SLC9A7: variants seen among roughly 807,000 people sequenced by gnomAD.
SLC9A7 encodes solute carrier family 9 member A7.
Under a neutral mutation model 52.6 loss-of-function variants are expected in SLC9A7, and 19 were observed. The observed-to-expected ratio is 0.36, with a 90% CI of 0.25 to 0.53. The LOEUF is 0.53. Among genes scored for constraint, SLC9A7 ranks in the 20% least tolerant of loss-of-function variants. The pLI, the probability that SLC9A7 is intolerant of heterozygous loss-of-function variation, is 0.91. For missense variants in SLC9A7, 455 were observed against 597.9 expected (o/e 0.76, Z 2.49); for synonymous variants, 226 against 252.1 (o/e 0.90, Z 0.98).
chrX:46,645,768 A>G (rs1480302976), intron 11 of SLC9A7, among the ~76,000 whole-genome samples: 1 of 110,916 alleles, frequency 9.0e-6, no homozygotes, highest in Non-Finnish European at 1.9e-5. Context: ...TGAAAGACAC[A>G]CTTGGACGTG....
Position 46,676,002 on chromosome X carries a change from G to A in SLC9A7, c.604-3375C>T, listed in dbSNP as rs562293002. Among the ~76,000 whole-genome samples, 4 of 112,253 alleles carry A rather than the reference G, an allele frequency of 3.6e-5. No homozygotes were observed. The South Asian group carries it at 1.1e-3, about 31-fold the overall frequency. On this transcript the variant is annotated intron_variant, in intron 3 of 16. Transcript: ENST00000616978. ...TGTCCCGGGAGGGCATGGAAGTTCC[G>A]TGCCCCTTTCTCCACACCTTGCCTT...
At chrX:46,672,895 C>CA (rs1435651522) in intron 3 of SLC9A7, among the ~76,000 whole-genome samples, 1 of 112,214 alleles carries the variant, frequency 8.9e-6, no homozygotes, top group Non-Finnish European at 1.9e-5. Context: ...CATTAAATCA[C>CA]ATTAAGTGTG....
chrX:46,655,814 C>T (rs1222851146), intron 7 of SLC9A7, among the ~76,000 whole-genome samples: 1 of 112,756 alleles, frequency 8.9e-6, no homozygotes, highest in African/African-American at 3.2e-5. Context: ...CGCCATTGCC[C>T]AGGCTTGTTT....
intron 1 of SLC9A7, among the ~76,000 whole-genome samples, chrX:46,755,953 T>C (rs1922635540): frequency 9.1e-6 from 1 of 109,823 alleles, no homozygotes; most frequent in African/African-American, 3.3e-5. Flanking sequence ...TACTCATCTA[T>C]TGCATGTCCT....
intron 1 of SLC9A7, among the ~76,000 whole-genome samples, chrX:46,738,630 T>C (rs970579484): frequency 9.1e-5 from 10 of 109,635 alleles, no homozygotes; most frequent in Admixed American, 2.9e-4. Flanking sequence ...ATTAGCCAGG[T>C]GTGGTGGCAC....
chrX:46,668,926 G>C (rs1004310349), intron 5 of SLC9A7, among the ~76,000 whole-genome samples: 1 of 111,490 alleles, frequency 9.0e-6, no homozygotes, highest in South Asian at 3.7e-4. Flanking sequence ...CCAGCACTTT[G>C]GGAGGCCAAG....
intron 1 of SLC9A7, among the ~76,000 whole-genome samples, chrX:46,735,481 CATT>C (rs1170079212): frequency 2.7e-5 from 3 of 111,942 alleles, no homozygotes; most frequent in African/African-American, 9.7e-5. Flanking sequence ...ACACACAACA[CATT>C]GTTATAAATT....
At position 46,606,684 on chromosome X, in the gene SLC9A7, A is replaced by AT. The variant is rs1208435727; in HGVS notation, c.*267dup. On this transcript the variant is annotated 3_prime_UTR_variant, in exon 17 of 17. Coordinates refer to ENST00000616978, the MANE Select transcript of SLC9A7 (RefSeq NM_001257291.2). ...AATTAGGAGACCATTAAAGCATGCT[A>AT]TTTTTTTTTGTTTGTTTAACTCTGA... 4.4e-4 allele frequency: 440 copies of AT among 1,003,705 alleles called. No homozygotes were observed. The highest frequency in any genetic ancestry group is 2.1e-3 in the Admixed American group (49 of 22,917). The allele number at this position is 1,003,705 out of a possible 1,213,427, so 82.7% of individuals were successfully genotyped here.
intron 1 of SLC9A7, chrX:46,725,122 G>A: frequency 1.6e-6 from 1 of 606,405 alleles, no homozygotes; most frequent in Middle Eastern, 4.9e-4. Context: ...CCCATAATAT[G>A]TGTTTGTTTT....
intron 12 of SLC9A7, among the ~76,000 whole-genome samples, chrX:46,637,052 G>A (rs1319387158): frequency 6.2e-5 from 7 of 112,259 alleles, no homozygotes; most frequent in African/African-American, 2.3e-4. Context: ...AGTAGCAGCT[G>A]TAATGCTATG....
Position 46,639,382 on chromosome X carries a change from C to T in SLC9A7, c.1617-3734G>A, listed in dbSNP as rs185198389. ...CTGCAAGTTCTGCCTCCTGGGTTCA[C>T]GCCATTCTCCCGCCTCAGCCTCCCA... On this transcript the variant is annotated intron_variant, in intron 12 of 16. Transcript: ENST00000616978. 4.7e-3 allele frequency among the ~76,000 whole-genome samples: 502 copies of T among 107,385 alleles called. 5 individuals are homozygous for T. The highest frequency in any genetic ancestry group is 6.2e-3 in the Non-Finnish European group (324 of 52,032). 93.3% of individuals were successfully genotyped at this position (107,385 alleles called of 115,157 possible).
chrX:46,644,816 TC>T (rs1296817491), intron 11 of SLC9A7, among the ~76,000 whole-genome samples: 1 of 111,928 alleles, frequency 8.9e-6, no homozygotes, highest in Non-Finnish European at 1.9e-5. Context: ...TCTGAGCACT[TC>T]ACTACAATTC....
chrX:46,681,914 G>A (rs1301522173), intron 2 of SLC9A7, among the ~76,000 whole-genome samples: 1 of 112,021 alleles, frequency 8.9e-6, no homozygotes, highest in Non-Finnish European at 1.9e-5. Flanking sequence ...AAAGAACCAC[G>A]AAGAACTAAG....
At chrX:46,658,258 C>A (rs1437441453) in intron 7 of SLC9A7, among the ~76,000 whole-genome samples, 1 of 102,035 alleles carries the variant, frequency 9.8e-6, no homozygotes, top group Non-Finnish European at 2.0e-5. Flanking sequence ...TAAATGCCCA[C>A]AAGAGAAAGC....
chrX:46,758,071 G>A (rs782757313), intron 1 of SLC9A7, among the ~76,000 whole-genome samples: 5 of 111,859 alleles, frequency 4.5e-5, no homozygotes, highest in Non-Finnish European at 9.4e-5. Context: ...ATAAGAGCAG[G>A]AGGCGTGCCT....
intron 1 of SLC9A7, among the ~76,000 whole-genome samples, chrX:46,697,923 C>T (rs1485360529): frequency 9.0e-6 from 1 of 111,368 alleles, no homozygotes; most frequent in Non-Finnish European, 1.9e-5. Flanking sequence ...CCTGAACTGG[C>T]CCCCCTGGGC....
At position 46,602,059 on chromosome X, in the gene SLC9A7, A is replaced by C. The variant is rs903040051; in HGVS notation, c.*4893T>G. 7.2e-5 allele frequency: 8 copies of C among 110,765 alleles called. No homozygotes were observed. The highest frequency in any genetic ancestry group is 1.3e-4 in the African/African-American group (4 of 30,487). The allele number at this position is 110,765 out of a possible 1,213,427, so 9.1% of individuals were successfully genotyped here. A position where few individuals can be genotyped will look rare whatever the true frequency, so the allele number is the denominator to read the frequency against. ...TTAATTCCAGGTGAAATTAAAAAAA[A>C]AAAACAAAACAGCTTCCCAGAAACC... On this transcript the variant is annotated 3_prime_UTR_variant, in exon 17 of 17. Transcript: ENST00000616978.
intron 1 of SLC9A7, among the ~76,000 whole-genome samples, chrX:46,746,486 A>C (rs1404159102): frequency 8.9e-6 from 1 of 112,657 alleles, no homozygotes; most frequent in Non-Finnish European, 1.9e-5. Context: ...AAAAGATTTA[A>C]ATAAACATTT....
chrX:46,648,893 A>G, intron 10 of SLC9A7, 96 bp from the exon 11 acceptor site: 1 of 599,524 alleles, frequency 1.7e-6, no homozygotes, highest in Non-Finnish European at 2.8e-6. Context: ...ATGCTGTGAC[A>G]CCTCGTTATA....
Sources: gnomAD v4.1 joint callset for allele counts (sites outside exome capture counted in the v4.1 genomes callset) on GRCh38, gnomAD v4.1.1 for gene constraint, MANE v1.5 for transcripts, NCBI Gene and HGNC (gene_info 2026-07-23, HGNC 2026-07-21) for gene names.